IL1RN: variants seen among roughly 807,000 people sequenced by gnomAD.
IL1RN encodes interleukin-1 receptor antagonist protein.
In IL1RN, 10 loss-of-function variants were observed where a neutral mutation model predicts 13.7. The observed-to-expected ratio is 0.73, with a 90% CI of 0.45 to 1.24. IL1RN has a LOEUF of 1.24. Among genes scored for constraint, IL1RN ranks in the 50% most tolerant of loss-of-function variants. The pLI, the probability that IL1RN is intolerant of heterozygous loss-of-function variation, is 0.00. For missense variants in IL1RN, 213 were observed against 222.1 expected (o/e 0.96, Z 0.26); for synonymous variants, 102 against 82.7 (o/e 1.23, Z -1.27).
Position 113,121,000 on chromosome 2 carries a change from TTCTTCTTCCTCCTCCTTCTCC to T in IL1RN, c.73+881_73+901del, listed in dbSNP as rs1464747588. 2.8e-3 allele frequency among the ~76,000 whole-genome samples: 423 copies of T among 151,066 alleles called. 6 individuals are homozygous for T. Among genetic ancestry groups the T allele is most frequent in the South Asian group, 0.017 (81 of 4,760 alleles). ...CTTCTTCTTCCTCCCCCTTCTCCTC[TTCTTCTTCCTCCTCCTTCTCC>T]TCTTCTTCTTCTTCTTCTTCTTCCT... is the stretch of plus-strand genomic sequence containing the variant. On this transcript the variant is annotated intron_variant, in intron 2 of 5. Coordinates refer to the IL1RN transcript ENST00000259206.
chr2:113,118,852 C>G (rs1188750054), intron 1 of IL1RN, among the ~76,000 whole-genome samples: 1 of 152,182 alleles, frequency 6.6e-6, no homozygotes, highest in Non-Finnish European at 1.5e-5. Context: ...GCCTGGCCAA[C>G]ATGGTGAAAC....
chr2:113,121,612 A>T (rs1686785358), intron 2 of IL1RN: 1 of 985,314 alleles, frequency 1.0e-6, no homozygotes, highest in Admixed American at 6.1e-5. Context: ...CTCAGAAAGG[A>T]TTCACAGTAA....
At chr2:113,106,766 A>AG (rs1324691866), upstream of IL1RN, among the ~76,000 whole-genome samples, 1 of 152,210 alleles carries the variant, frequency 6.6e-6, no homozygotes, top group Non-Finnish European at 1.5e-5. Flanking sequence ...TAGTAGACTG[A>AG]GGCCCTCAGA....
At chr2:113,131,832 T>A (rs1687181709) in intron 3 of IL1RN, among the ~76,000 whole-genome samples, 1 of 152,158 alleles carries the variant, frequency 6.6e-6, no homozygotes, top group Non-Finnish European at 1.5e-5. Context: ...TGGCTTTGTC[T>A]CAGGGGCTTG....
chr2:113,108,448 C>T (rs1267563467), upstream of IL1RN, among the ~76,000 whole-genome samples: 1 of 144,232 alleles, frequency 6.9e-6, no homozygotes. Flanking sequence ...TGCGATGTTC[C>T]CCTTCCCTTC....
upstream of IL1RN, among the ~76,000 whole-genome samples, chr2:113,116,377 G>A (rs36215119): frequency 3.2e-4 from 48 of 152,116 alleles, no homozygotes; most frequent in Admixed American, 7.9e-4. Context: ...AAGCTGCTTC[G>A]AAAATTTCCA....
At chr2:113,117,878 G>A, upstream of IL1RN, 1 of 768,790 alleles carries the variant, frequency 1.3e-6, no homozygotes, top group Non-Finnish European at 2.4e-6. Flanking sequence ...ACTCTCTGAG[G>A]TGCTCTGGAA....
intron 2 of IL1RN, 107 bp downstream of exon 2, chr2:113,129,771 T>C (rs1687096802): frequency 1.3e-6 from 1 of 797,562 alleles, no homozygotes; most frequent in Non-Finnish European, 2.3e-6. Flanking sequence ...AATGTCCTAA[T>C]CCTTGTTGGG....
chr2:113,128,979 A>C (rs1663178447), intron 1 of IL1RN, among the ~76,000 whole-genome samples: 1 of 152,178 alleles, frequency 6.6e-6, no homozygotes, highest in Non-Finnish European at 1.5e-5. Context: ...GTCACCAGCT[A>C]ATGGAGGAAA....
At chr2:113,114,716 T>C (rs897934808), upstream of IL1RN, among the ~76,000 whole-genome samples, 1 of 151,952 alleles carries the variant, frequency 6.6e-6, no homozygotes, top group Non-Finnish European at 1.5e-5. Context: ...TGAGTGGTGG[T>C]TTCCCATTTA....
intron 2 of IL1RN, chr2:113,120,189 T>A (rs1381088570): frequency 4.4e-5 from 50 of 1,127,212 alleles, no homozygotes; most frequent in Non-Finnish European, 6.4e-5. Flanking sequence ...ATGAACAACA[T>A]CTTGATTATG....
At chr2:113,129,434 A>G in intron 1 of IL1RN, 142 bp from the exon 2 acceptor site, 1 of 713,476 alleles carries the variant, frequency 1.4e-6, no homozygotes, top group Non-Finnish European at 2.6e-6. Context: ...TCATCCATGC[A>G]TGCCGTGGGT....
the IL1RN span, among the ~76,000 whole-genome samples, chr2:113,099,997 G>A: frequency 7.3e-6 from 1 of 136,376 alleles, no homozygotes; most frequent in Non-Finnish European, 1.6e-5. Flanking sequence ...GCCTCCCAAA[G>A]TGCTGGGATT....
At chr2:113,118,034 C>T in intron 1 of IL1RN, 1 of 1,608,892 alleles carries the variant, frequency 6.2e-7, no homozygotes, top group Non-Finnish European at 8.5e-7. Context: ...TTTAGGTAAG[C>T]TCCTTCCACT....
rs4251969 is a variant in IL1RN at position 113,118,176 on chromosome 2, C to G, written c.10+148C>G. The G allele has an allele frequency of 0.24, 307,287 of 1,262,988 alleles. 41,060 individuals carry two copies. Among genetic ancestry groups the G allele is most frequent in the Admixed American group, 0.3 (16,089 of 53,260 alleles). 78.2% of individuals were successfully genotyped at this position (1,262,988 alleles called of 1,614,324 possible). ...GGAGCTCCAGGCCTGTCTGGGGGAT[C>G]TGGGCACGGGGAGGCATCCATGGGA... On this transcript the variant is annotated intron_variant, in intron 1 of 5. Transcript: ENST00000259206.
chr2:113,124,250 G>C (rs1325458577), upstream of IL1RN, among the ~76,000 whole-genome samples: 1 of 152,144 alleles, frequency 6.6e-6, no homozygotes, highest in Non-Finnish European at 1.5e-5. Context: ...GAACTCGGGG[G>C]GTGCTGAGGA....
upstream of IL1RN, among the ~76,000 whole-genome samples, chr2:113,124,598 A>G (rs1686892288): frequency 6.6e-6 from 1 of 152,172 alleles, no homozygotes; most frequent in Non-Finnish European, 1.5e-5. Flanking sequence ...AAAGAAGCAT[A>G]TGCAAAAGCC....
upstream of IL1RN, among the ~76,000 whole-genome samples, chr2:113,109,551 G>A (rs1421065139): frequency 1.3e-5 from 2 of 151,958 alleles, no homozygotes; most frequent in African/African-American, 2.4e-5. Context: ...GATATTTCCA[G>A]GACACAGTCC....
chr2:113,101,928 C>T, the IL1RN span, among the ~76,000 whole-genome samples: 18 of 152,034 alleles, frequency 1.2e-4, no homozygotes, highest in South Asian at 4.1e-4. Flanking sequence ...TTATCACACC[C>T]GGCTAATTTT....
Sources: allele counts gnomAD v4.1 joint callset (sites outside exome capture counted in the v4.1 genomes callset), GRCh38; gene constraint gnomAD v4.1.1; transcripts MANE v1.5; gene names NCBI Gene and HGNC (gene_info 2026-07-23, HGNC 2026-07-21).